EPG5: variants seen among roughly 807,000 people sequenced by gnomAD.
EPG5 encodes ectopic P granules protein 5 homolog.
A neutral mutation model predicts 302.7 loss-of-function variants in EPG5; 159 were observed. The ratio of observed to expected loss-of-function variants is 0.53; its 90% CI spans 0.46 to 0.60. The LOEUF (loss-of-function observed/expected upper bound fraction) is 0.60. EPG5 is among the 20% of genes least tolerant of loss of function. The pLI is 0.00. For missense variants in EPG5, 2,896 were observed against 3,092.4 expected, an observed-to-expected ratio of 0.94 and a Z score of 1.51; for synonymous variants, 1,158 against 1,136.8, an observed-to-expected ratio of 1.02 and a Z score of -0.37.
Position 45,922,523 on chromosome 18 carries a change from G to T in EPG5, c.2916C>A (p.Ile972=). The T allele has an allele frequency of 1.2e-6, 2 of 1,614,198 alleles. No homozygotes were observed. The highest frequency in any genetic ancestry group is 1.7e-6 in the Non-Finnish European group (2 of 1,180,032). ...TSFNQWAWNL[I]LRLKLHKNDY... The stretch of plus-strand genomic sequence containing the variant: ...CGTTTTTGTGCAGTTTTAGCCTCAA[G>T]ATTAAATTCCAGGCCCATTGGTTAA... The change falls in exon 16 of 44, where the codon ATC becomes ATA. Residue 972 remains isoleucine, a synonymous_variant. Transcript: ENST00000282041.
chr18:45,818,244 A>T, the EPG5 span, among the ~76,000 whole-genome samples: 1 of 141,962 alleles, frequency 7.0e-6, no homozygotes, highest in Non-Finnish European at 1.5e-5. Flanking sequence ...ACAATACTGT[A>T]AGGAAGATTT....
chr18:45,883,045 T>G (rs1425933887), intron 30 of EPG5, among the ~76,000 whole-genome samples: 1 of 151,778 alleles, frequency 6.6e-6, no homozygotes, highest in Non-Finnish European at 1.5e-5. Context: ...GTTCACTAAT[T>G]GGTGCCATTA....
At chr18:45,947,356 T>A (rs538503113) in intron 6 of EPG5, among the ~76,000 whole-genome samples, 1 of 151,934 alleles carries the variant, frequency 6.6e-6, no homozygotes, top group Non-Finnish European at 1.5e-5. Context: ...GAGGTTGCAG[T>A]GAGCTGAGAT....
chr18:45,923,358 A>G lies in EPG5; in HGVS notation c.2748T>C (p.His916=). Reference sequence around the variant, plus strand: ...CAAGAACCATTAAAGCCACTTCAGCATGGACTGCTTGATCCAGATGAAGGG... The same window carrying G: ...CAAGAACCATTAAAGCCACTTCAGCGTGGACTGCTTGATCCAGATGAAGGG... ...QATLHLDQAV[H]AEVALMVLEA... is the part of the protein sequence containing the mutation. Residue 916 remains histidine, a synonymous_variant, in exon 15 of 44, where the codon CAT becomes CAC. Coordinates refer to ENST00000282041, the MANE Select transcript of EPG5 (RefSeq NM_020964.3). The G allele has an allele frequency of 1.2e-6, 2 of 1,613,984 alleles. No homozygotes were observed. The highest frequency in any genetic ancestry group is 1.7e-6 in the Non-Finnish European group (2 of 1,179,982).
chr18:45,875,365 C>T (rs1270935408), intron 35 of EPG5, among the ~76,000 whole-genome samples: 2 of 151,970 alleles, frequency 1.3e-5, no homozygotes, highest in African/African-American at 2.4e-5. Context: ...AATGTACATA[C>T]ATCATAAAGT....
intron 23 of EPG5, among the ~76,000 whole-genome samples, chr18:45,908,836 C>G (rs2049821912): frequency 2.0e-5 from 3 of 151,906 alleles, no homozygotes; most frequent in African/African-American, 7.3e-5. Context: ...GTAATCCCAG[C>G]TACTCAGGAG....
chr18:45,908,396 G>A (rs1211110437), intron 23 of EPG5, among the ~76,000 whole-genome samples: 1 of 152,162 alleles, frequency 6.6e-6, no homozygotes, highest in Non-Finnish European at 1.5e-5. Flanking sequence ...TTTTACCACA[G>A]ACCTGGGATC....
rs763399377 is a variant in EPG5, at chr18:45,928,983, T to C, written c.2439A>G (p.Arg813=). The change falls in exon 13 of 44, where the codon AGA becomes AGG. Residue 813 remains arginine (R), a synonymous_variant. Transcript: ENST00000282041. ...CTCGACCAACCTTTGAAAAAGTCTC[T>C]CTGGTAGACAAGGTGACATAAGATA... The part of the protein sequence containing the change: ...YEVSYVTLST[R]ETFSKVGREL... 31 of 1,613,892 alleles carry C rather than the reference T, an allele frequency of 1.9e-5. No homozygotes were observed. The East Asian group carries it at 6.7e-4, about 35-fold the overall frequency.
downstream of EPG5, among the ~76,000 whole-genome samples, chr18:45,846,902 C>T (rs1295127502): frequency 2.0e-5 from 3 of 152,144 alleles, no homozygotes; most frequent in Non-Finnish European, 2.9e-5. Context: ...GAAGCATTTT[C>T]GGAGAAAGAT....
At chr18:45,961,858 CAAAA>C (rs369369860) in intron 1 of EPG5, among the ~76,000 whole-genome samples, 1 of 98,482 alleles carries the variant, frequency 1.0e-5, no homozygotes. Context: ...GACTCTGTCC[CAAAA>C]AAAAAAAAAA....
At chr18:45,966,139 G>A (rs7227194) in intron 1 of EPG5, among the ~76,000 whole-genome samples, 151,353 of 151,760 alleles carry the variant, frequency 1, 75,474 homozygotes, top group Middle Eastern at 1. Context: ...TTGGGAGGCC[G>A]AGGCGGGCGG....
At chr18:45,909,741 C>T (rs190933740) in intron 23 of EPG5, among the ~76,000 whole-genome samples, 7 of 152,244 alleles carry the variant, frequency 4.6e-5, no homozygotes, top group Admixed American at 3.3e-4. Flanking sequence ...CCCTGAATCC[C>T]GTGAAGGATC....
the EPG5 span, among the ~76,000 whole-genome samples, chr18:45,817,752 G>C: frequency 6.6e-6 from 1 of 152,220 alleles, no homozygotes; most frequent in Non-Finnish European, 1.5e-5. Flanking sequence ...TAACAAAAGA[G>C]AGAGCAACAA....
At chr18:45,941,489 G>A (rs188433277) in intron 9 of EPG5, among the ~76,000 whole-genome samples, 3 of 152,162 alleles carry the variant, frequency 2.0e-5, no homozygotes, top group Admixed American at 2.0e-4. Flanking sequence ...AAGCCCTTAT[G>A]GGAAATTGTT....
chr18:45,871,976 G>A (rs2048880962), intron 35 of EPG5, among the ~76,000 whole-genome samples: 1 of 152,128 alleles, frequency 6.6e-6, no homozygotes, highest in South Asian at 2.1e-4. Flanking sequence ...GCAAGGTGAT[G>A]GATATCTTAA....
chr18:45,825,828 G>A, the EPG5 span: 11 of 1,606,546 alleles, frequency 6.8e-6, no homozygotes, highest in Non-Finnish European at 9.4e-6. Context: ...CAGAATAGAT[G>A]CTGAAAGCAT....
intron 10 of EPG5, 77 bp downstream of exon 10, chr18:45,939,523 T>C: frequency 7.3e-7 from 1 of 1,373,754 alleles, no homozygotes. Flanking sequence ...AAAGACCTAC[T>C]TAAGTGGCTT....
intron 27 of EPG5, among the ~76,000 whole-genome samples, chr18:45,892,166 C>T (rs1176621243): frequency 6.6e-6 from 1 of 152,168 alleles, no homozygotes; most frequent in Non-Finnish European, 1.5e-5. Context: ...GTAGAAACTA[C>T]TAAAATAAAA....
At chr18:45,888,705 G>T (rs1185418229) in intron 28 of EPG5, among the ~76,000 whole-genome samples, 2 of 152,280 alleles carry the variant, frequency 1.3e-5, no homozygotes, top group African/African-American at 4.8e-5. Flanking sequence ...CTCCCAAAGT[G>T]CTGGGATTAC....
Sources: allele counts gnomAD v4.1 joint callset (sites outside exome capture counted in the v4.1 genomes callset), GRCh38; gene constraint gnomAD v4.1.1; transcripts MANE v1.5; gene names NCBI Gene and HGNC (gene_info 2026-07-23, HGNC 2026-07-21).